Variants in KIF20A observed in about 807,000 individuals in gnomAD.
KIF20A encodes the protein kinesin family member 20A.
In KIF20A, 66 loss-of-function variants were observed where a neutral mutation model predicts 113.0. That is an observed-to-expected ratio of 0.58 (90% CI 0.48 to 0.72). KIF20A has a LOEUF of 0.72. Among genes scored for constraint, KIF20A ranks in the 30% least tolerant of loss-of-function variants. The pLI, the probability that KIF20A is intolerant of heterozygous loss-of-function variation, is 0.00. For missense variants in KIF20A, 927 were observed against 1,077.6 expected (o/e 0.86, Z 1.96); for synonymous variants, 376 against 402.3 (o/e 0.93, Z 0.78).
Position 138,181,642 on chromosome 5 carries a change from G to T in KIF20A, c.289G>T (p.Val97Phe), listed in dbSNP as rs1754662910. The T allele has an allele frequency of 6.2e-7, 1 of 1,614,194 alleles. No individual in the cohort carries two copies. Among genetic ancestry groups the T allele is most frequent in the Non-Finnish European group, 8.5e-7 (1 of 1,180,022 alleles). ...CCGTATTGAGAATGTGGAGACCCTT[G>T]TTCTACAAGCACCCAAGGACTCTTT... ...CVRIENVETL[V>F]LQAPKDSFAL... The change falls in exon 4 of 19, where the codon GTT (valine) becomes TTT (phenylalanine). Residue 97 changes from valine (V) to phenylalanine (F), a missense_variant. Physicochemically the swap from Val to Phe is conservative, Grantham distance 50 (BLOSUM62 -1). Coordinates refer to ENST00000394894, the MANE Select transcript of KIF20A (RefSeq NM_005733.3).
chr5:138,187,158 G>A lies in KIF20A; in HGVS notation c.2418G>A (p.Lys806=), dbSNP rs1420880722. The A allele has an allele frequency of 6.2e-7, 1 of 1,613,988 alleles. No individual in the cohort carries two copies. Among genetic ancestry groups the A allele is most frequent in the Non-Finnish European group, 8.5e-7 (1 of 1,179,854 alleles). ...TAGTGAAACTGGACCTTCGGAAGAA[G>A]GCAGCATGTATTGCTGAGCAGTATC... ...MVLVKLDLRK[K]AACIAEQYHT... The change falls in exon 19 of 19, where the codon AAG becomes AAA. Residue 806 remains lysine (K), a synonymous_variant. Coordinates refer to ENST00000394894, the MANE Select transcript of KIF20A (RefSeq NM_005733.3).
chr5:138,182,342 G>A lies in KIF20A; in HGVS notation c.395G>A (p.Gly132Glu). ...TFSQIFGPEV[G>E]QASFFNLTVK... is the part of the protein sequence containing the mutation. ...CTCTAGATCTTTGGGCCAGAAGTGG[G>A]ACAGGCATCCTTCTTCAACCTAACT... The change falls in exon 5 of 19, where the codon GGA becomes GAA. Residue 132 changes from glycine (G) to glutamate (E), a missense_variant. Coordinates refer to ENST00000394894, the MANE Select transcript of KIF20A (RefSeq NM_005733.3). 1 of 1,613,874 alleles carries A rather than the reference G, an allele frequency of 6.2e-7. No homozygotes were observed. The highest frequency in any genetic ancestry group is 1.1e-5 in the South Asian group (1 of 91,034).
chr5:138,183,101 G>A lies in KIF20A; in HGVS notation c.833-68G>A. The stretch of plus-strand genomic sequence containing the variant: ...TGCAATCTAAGGTCTGCCTTCCAAG[G>A]CCCCTGCAGGCCAAAAGAGAGGTGA... On this transcript the variant is annotated intron_variant, in intron 7 of 18. Transcript: ENST00000394894. This position sits in a 1 kb window ranked among gnomAD's most constrained non-coding sequence, Gnocchi z 5.2. The A allele has an allele frequency of 6.3e-7, 1 of 1,599,902 alleles. No homozygotes were observed. The highest frequency in any genetic ancestry group is 8.5e-7 in the Non-Finnish European group (1 of 1,171,130).
Position 138,184,100 on chromosome 5 carries a change from G to C in KIF20A, c.1347G>C (p.Gln449His), listed in dbSNP as rs981102452. 6.2e-7 allele frequency: 1 copy of C among 1,614,164 alleles called. No individual in the cohort carries two copies. The highest frequency in any genetic ancestry group is 1.7e-5 in the Admixed American group (1 of 60,020). Residue 449 changes from glutamine to histidine, a missense_variant, in exon 11 of 19, where the codon CAG (glutamine) becomes CAC (histidine). Gln to His is a conservative substitution (Grantham distance 24). Transcript: ENST00000394894. ...RCIAALRQNQ[Q>H]NRSKQNLVPF... Reference sequence around the variant, plus strand: ...TTGCTGCCCTTCGTCAAAACCAGCAGAACCGGTGAGCTTTTGACTATAATT... The same window carrying C: ...TTGCTGCCCTTCGTCAAAACCAGCACAACCGGTGAGCTTTTGACTATAATT...
At position 138,182,394 on chromosome 5, in the gene KIF20A, C is replaced by G; in HGVS notation, c.447C>G (p.Leu149=). ...TGAAGGAGATGGTAAAGGATGTACT[C>G]AAAGGGCAGAACTGGCTCATCTATA... ...LTVKEMVKDV[L]KGQNWLIYTY... is the part of the protein sequence containing the mutation. Residue 149 remains leucine, a synonymous_variant, in exon 5 of 19, where the codon CTC becomes CTG. Transcript: ENST00000394894. The G allele has an allele frequency of 6.2e-6, 10 of 1,614,160 alleles. No homozygotes were observed. Among genetic ancestry groups the G allele is most frequent in the Non-Finnish European group, 8.5e-6 (10 of 1,180,012 alleles).
intron 2 of KIF20A, 124 bp downstream of exon 2, chr5:138,179,969 G>A: frequency 2.0e-6 from 2 of 1,000,158 alleles, no homozygotes; most frequent in African/African-American, 1.7e-5. Context: ...CAAAATTAAG[G>A]GCATTTAGGA....
In KIF20A at chr5:138,182,617, G is replaced by C. The variant is rs1483175198; in HGVS notation, c.546G>C (p.Arg182=). ...TCAAGGATGGAGGGATTCTCCCCCGGTCCCTGGCGCTGATCTTCAATAGCC... is the reference window on the plus strand; with the variant it reads ...TCAAGGATGGAGGGATTCTCCCCCGCTCCCTGGCGCTGATCTTCAATAGCC... ...GTIKDGGILP[R]SLALIFNSLQ... The change falls in exon 6 of 19, where the codon CGG becomes CGC. Residue 182 remains arginine, a synonymous_variant. Coordinates refer to ENST00000394894, the MANE Select transcript of KIF20A (RefSeq NM_005733.3). 10 of 1,614,052 alleles carry C rather than the reference G, an allele frequency of 6.2e-6. No homozygotes were observed. In the Admixed American group the frequency reaches 1.7e-4, roughly 27 times the overall value.
Position 138,185,959 on chromosome 5 carries a change from A to G in KIF20A, c.2126-2A>G. 1.9e-6 allele frequency: 3 copies of G among 1,613,566 alleles called. No homozygotes were observed. The highest frequency in any genetic ancestry group is 1.7e-6 in the Non-Finnish European group (2 of 1,179,512). On this transcript the variant is annotated splice_acceptor_variant, in intron 16 of 18. Coordinates refer to ENST00000394894, the MANE Select transcript of KIF20A (RefSeq NM_005733.3). LOFTEE classifies it high-confidence loss of function. ...TTTAAGTTTCCTGTTTCCTTCCCTC[A>G]GAGTTGCATAAGTATCAGAAAATGT...
rs1754708755 is a variant in KIF20A at position 138,184,318 on chromosome 5, T to TAGG, written c.1432_1433insAGG (p.Ser478delinsTer). On this transcript the variant is annotated stop_gained, in exon 12 of 19. Transcript: ENST00000394894. LOFTEE classifies it high-confidence loss of function. Reference sequence around the variant, plus strand: ...AGGTTTCTTCACAGGCCGAGGCCGTTCCTGCATGATTGTCAATGTGAATCC... The same window carrying TAGG: ...AGGTTTCTTCACAGGCCGAGGCCGTTAGGCCTGCATGATTGTCAATGTGAATCC... 6.2e-7 allele frequency: 1 copy of TAGG among 1,614,088 alleles called. No individual in the cohort carries two copies. The highest frequency in any genetic ancestry group is 8.5e-7 in the Non-Finnish European group (1 of 1,180,030).
chr5:138,182,341 G>T lies in KIF20A; in HGVS notation c.394G>T (p.Gly132Ter). Reference protein sequence around the residue: ...TFSQIFGPEVGQASFFNLTVK... With the variant: ...TFSQIFGPEV ...TCTCTAGATCTTTGGGCCAGAAGTG[G>T]GACAGGCATCCTTCTTCAACCTAAC... The change falls in exon 5 of 19, where the codon GGA becomes TGA. Residue 132 changes from glycine (G) to a stop codon, truncating the protein, a stop_gained. Coordinates refer to ENST00000394894, the MANE Select transcript of KIF20A (RefSeq NM_005733.3). LOFTEE classifies it high-confidence loss of function. The T allele has an allele frequency of 6.2e-7, 1 of 1,613,840 alleles. No homozygotes were observed. The highest frequency in any genetic ancestry group is 8.5e-7 in the Non-Finnish European group (1 of 1,179,906).
Position 138,182,916 on chromosome 5 carries a change from C to T in KIF20A, c.758C>T (p.Thr253Ile). Residue 253 changes from threonine (T) to isoleucine (I), a missense_variant, in exon 7 of 19, where the codon ACC (threonine) becomes ATC (isoleucine). By Grantham distance (89) the Thr-to-Ile change is moderately conservative (BLOSUM62 -1). Coordinates refer to ENST00000394894, the MANE Select transcript of KIF20A (RefSeq NM_005733.3). ...GTCTACATCGAAAGTCGGATAGGTACCAGCACCAGCTTCGACAGTGGCATT... is the reference window on the plus strand; with the variant it reads ...GTCTACATCGAAAGTCGGATAGGTATCAGCACCAGCTTCGACAGTGGCATT... ...RSVYIESRIG[T>I]STSFDSGIAG... The T allele has an allele frequency of 6.2e-7, 1 of 1,614,186 alleles. No homozygotes were observed. Among genetic ancestry groups the T allele is most frequent in the Non-Finnish European group, 8.5e-7 (1 of 1,180,024 alleles).
intron 4 of KIF20A, 48 bp from the exon 5 acceptor site, chr5:138,182,275 A>G (rs1352297160): frequency 6.3e-7 from 1 of 1,592,366 alleles, no homozygotes; most frequent in South Asian, 1.1e-5. Context: ...CACAGGAGGC[A>G]AGTGGGAGAT....
Position 138,183,555 on chromosome 5 carries a change from C to G in KIF20A, c.1113C>G (p.Thr371=). 6.2e-7 allele frequency: 1 copy of G among 1,614,080 alleles called. No individual in the cohort carries two copies. Among genetic ancestry groups the G allele is most frequent in the South Asian group, 1.1e-5 (1 of 91,072 alleles). ...VGRKNQSFAS[T]HLNQNSSRSH... ...GTAAGAACCAGAGCTTTGCCAGCAC[C>G]CACCTCAACCAGAACTCCAGCCGCA... The change falls in exon 9 of 19, where the codon ACC becomes ACG. Residue 371 remains threonine, a synonymous_variant. Coordinates refer to ENST00000394894, the MANE Select transcript of KIF20A (RefSeq NM_005733.3). The surrounding 1 kb of genome is among the most constrained non-coding windows in gnomAD (Gnocchi z 5.2).
Position 138,183,779 on chromosome 5 carries a change from T to C in KIF20A, c.1208+23T>C. 1 of 1,603,658 alleles carries C rather than the reference T, an allele frequency of 6.2e-7. No individual in the cohort carries two copies. The highest frequency in any genetic ancestry group is 8.5e-7 in the Non-Finnish European group (1 of 1,170,872). Reference sequence around the variant, plus strand: ...CGAGTAAGTTTATCCATTTAGAAATTTGGGCTTCTTGGCCATAAATGATAG... The same window carrying C: ...CGAGTAAGTTTATCCATTTAGAAATCTGGGCTTCTTGGCCATAAATGATAG... On this transcript the variant is annotated intron_variant, in intron 10 of 18. Transcript: ENST00000394894. The surrounding 1 kb of genome is among the most constrained non-coding windows in gnomAD (Gnocchi z 5.2).
At chr5:138,181,795 G>T (rs1486391577) in intron 4 of KIF20A, 67 bp downstream of exon 4, 1 of 1,584,716 alleles carries the variant, frequency 6.3e-7, no homozygotes, top group Non-Finnish European at 8.6e-7. Context: ...CCTCTTTAGA[G>T]GGAAAGCTTC....
chr5:138,184,115 T>G lies in KIF20A; in HGVS notation c.1352+10T>G, dbSNP rs1203422662. 6.2e-7 allele frequency: 1 copy of G among 1,613,998 alleles called. No homozygotes were observed. Among genetic ancestry groups the G allele is most frequent in the Non-Finnish European group, 8.5e-7 (1 of 1,180,002 alleles). ...AAAACCAGCAGAACCGGTGAGCTTT[T>G]GACTATAATTCCTGGGCTCTGCAAT... On this transcript the variant is annotated intron_variant, in intron 11 of 18. Coordinates refer to ENST00000394894, the MANE Select transcript of KIF20A (RefSeq NM_005733.3).
At position 138,183,037 on chromosome 5, in the gene KIF20A, C is replaced by G. The variant is rs1754686268; in HGVS notation, c.832+47C>G. 1.9e-6 allele frequency: 3 copies of G among 1,611,264 alleles called. No individual in the cohort carries two copies. In the African/African-American group the frequency reaches 4.0e-5, roughly 22 times the overall value. Reference sequence around the variant, plus strand: ...TGCCAAAAAATAGTAGGAACTCACTCCCTGTTCCTAATAGCTGCCAGGAGT... The same window carrying G: ...TGCCAAAAAATAGTAGGAACTCACTGCCTGTTCCTAATAGCTGCCAGGAGT... On this transcript the variant is annotated intron_variant, in intron 7 of 18. Coordinates refer to ENST00000394894, the MANE Select transcript of KIF20A (RefSeq NM_005733.3). The surrounding 1 kb of genome is among the most constrained non-coding windows in gnomAD (Gnocchi z 5.2).
At chr5:138,179,566 G>T in intron 1 of KIF20A, 94 bp from the exon 2 acceptor site, 1 of 903,828 alleles carries the variant, frequency 1.1e-6, no homozygotes, top group Non-Finnish European at 1.7e-6. Context: ...AGCGGGACAC[G>T]GTGTCCTGGG....
rs546375210 is a variant in KIF20A at position 138,185,557 on chromosome 5, G to A, written c.1972G>A (p.Ala658Thr). 6.2e-7 allele frequency: 1 copy of A among 1,614,016 alleles called. No homozygotes were observed. Among genetic ancestry groups the A allele is most frequent in the Admixed American group, 1.7e-5 (1 of 60,020 alleles). The change falls in exon 16 of 19, where the codon GCC (alanine) becomes ACC (threonine). Residue 658 changes from alanine (A) to threonine (T), a missense_variant. By Grantham distance (58) the Ala-to-Thr change is moderately conservative. Coordinates refer to ENST00000394894, the MANE Select transcript of KIF20A (RefSeq NM_005733.3). ...AGAGCTAGAAGCTCTCTTGCAGGAA[G>A]CCAGACAACAGTCAGTGGCCCATCA... ...IEELEALLQEARQQSVAHQQS... is the reference protein window; with the variant it reads ...IEELEALLQETRQQSVAHQQS...
Sources: allele counts gnomAD v4.1 joint callset, GRCh38; gene constraint gnomAD v4.1.1; non-coding constraint Gnocchi (gnomAD v3.1); transcripts MANE v1.5; gene names NCBI Gene and HGNC (gene_info 2026-07-23, HGNC 2026-07-21).